GALK2: variants seen among roughly 807,000 people sequenced by gnomAD.
The protein encoded by GALK2 is N-acetylgalactosamine kinase.
In GALK2, 36 loss-of-function variants were observed where a neutral mutation model predicts 52.4. The ratio of observed to expected loss-of-function variants is 0.69; its 90% CI spans 0.53 to 0.91. GALK2 has a LOEUF of 0.91. Among genes scored for constraint, GALK2 ranks in the 40% least tolerant of loss-of-function variants. GALK2 has a pLI of 0.00. For missense variants in GALK2, 579 were observed against 559.1 expected, an observed-to-expected ratio of 1.04 and a Z score of -0.36; for synonymous variants, 176 against 199.1, an observed-to-expected ratio of 0.88 and a Z score of 0.98.
At chr15:49,355,795 C>G (rs1303149519) in intron 3 of GALK2, among the ~76,000 whole-genome samples, 2 of 151,958 alleles carry the variant, frequency 1.3e-5, no homozygotes, top group African/African-American at 4.8e-5. Flanking sequence ...TTGTCAGATT[C>G]ACCAAAGTTG....
At chr15:49,286,823 A>G (rs956463957) in intron 7 of GALK2, among the ~76,000 whole-genome samples, 3 of 152,128 alleles carry the variant, frequency 2.0e-5, no homozygotes, top group African/African-American at 7.2e-5. Flanking sequence ...TTGACCTTTT[A>G]TCTTGAGGTT....
chr15:49,319,555 T>A, intron 8 of GALK2, 49 bp from the exon 9 acceptor site: 10 of 1,492,788 alleles, frequency 6.7e-6, no homozygotes, highest in Non-Finnish European at 8.4e-6. Context: ...TATACTGGGT[T>A]GTCCAGTAAC....
upstream of GALK2, among the ~76,000 whole-genome samples, chr15:49,167,301 C>CAG (rs2084853358): frequency 2.0e-5 from 3 of 151,978 alleles, no homozygotes; most frequent in Admixed American, 6.6e-5. Context: ...AGCAAAGAAC[C>CAG]AGAGGTTCAG....
chr15:49,322,626 C>T (rs147142645), intron 9 of GALK2, among the ~76,000 whole-genome samples: 1 of 152,006 alleles, frequency 6.6e-6, no homozygotes, highest in Non-Finnish European at 1.5e-5. Context: ...ATCTTTGTAC[C>T]GTGTGAAATT....
Position 49,193,284 on chromosome 15 carries a change from C to T in GALK2, c.54-7878C>T, listed in dbSNP as rs1046349783. Among the ~76,000 whole-genome samples, 2 of 152,028 alleles carry T rather than the reference C, an allele frequency of 1.3e-5. 1 individual carries two copies. Among genetic ancestry groups the T allele is most frequent in the Admixed American group, 1.3e-4 (2 of 15,276 alleles). The stretch of plus-strand genomic sequence containing the variant: ...AAGTGCTGGGATTACAGGCGTGAGC[C>T]ACCATGCCCGACCTGTTTATACCTT... On this transcript the variant is annotated intron_variant, in intron 1 of 9. Transcript: ENST00000560031.
At chr15:49,192,125 A>G (rs1016947677) in intron 1 of GALK2, among the ~76,000 whole-genome samples, 7 of 152,050 alleles carry the variant, frequency 4.6e-5, no homozygotes, top group Admixed American at 3.9e-4. Flanking sequence ...GTATAGAAAG[A>G]TGTTTCAGAT....
intron 5 of GALK2, among the ~76,000 whole-genome samples, chr15:49,272,307 G>T (rs1304025305): frequency 1.3e-5 from 2 of 152,166 alleles, no homozygotes; most frequent in Admixed American, 1.3e-4. Context: ...AGCCCTAGAA[G>T]ACATTTGGTA....
At position 49,356,158 on chromosome 15, in the gene GALK2, G is replaced by A. The variant is rs531271804; in HGVS notation, c.427-11333G>A. The stretch of plus-strand genomic sequence containing the variant: ...ATCATGCCAAAATGTAAAGACCATC[G>A]AGACTAGGAAGAAACTGCATCAACT... On this transcript the variant is annotated intron_variant, in intron 3 of 3. Transcript: ENST00000558399. 8.0e-4 allele frequency among the ~76,000 whole-genome samples: 121 copies of A among 152,082 alleles called. 1 individual carries two copies. Among genetic ancestry groups the A allele is most frequent in the South Asian group, 6.5e-3 (31 of 4,806 alleles).
At chr15:49,218,005 A>G (rs183375004) in intron 3 of GALK2, among the ~76,000 whole-genome samples, 470 of 152,206 alleles carry the variant, frequency 3.1e-3, no homozygotes, top group Admixed American at 5.5e-3. Flanking sequence ...CCCTTTTTGC[A>G]TTTCTGGGAT....
intron 8 of GALK2, among the ~76,000 whole-genome samples, chr15:49,317,821 ACAC>A (rs1236525518): frequency 6.6e-6 from 1 of 152,144 alleles, no homozygotes; most frequent in African/African-American, 2.4e-5. Flanking sequence ...AGAAAACCAA[ACAC>A]CACATGTTCT....
intron 1 of GALK2, among the ~76,000 whole-genome samples, chr15:49,181,709 T>A (rs951394506): frequency 6.6e-5 from 10 of 151,950 alleles, no homozygotes; most frequent in African/African-American, 1.9e-4. Context: ...AGTTTTTTAT[T>A]TTGAAATATT....
At chr15:49,220,905 A>G (rs570401110) in intron 3 of GALK2, among the ~76,000 whole-genome samples, 98 of 152,060 alleles carry the variant, frequency 6.4e-4, no homozygotes, top group African/African-American at 2.3e-3. Context: ...TCTTCATGTT[A>G]TTTGTCCACT....
At chr15:49,187,660 T>C (rs1486223063) in intron 1 of GALK2, among the ~76,000 whole-genome samples, 1 of 152,130 alleles carries the variant, frequency 6.6e-6, no homozygotes, top group African/African-American at 2.4e-5. Context: ...TTTCCCACTC[T>C]TCCCTCCTCT....
At chr15:49,285,632 G>A (rs1012033329) in intron 7 of GALK2, among the ~76,000 whole-genome samples, 2 of 152,104 alleles carry the variant, frequency 1.3e-5, no homozygotes, top group Non-Finnish European at 2.9e-5. Flanking sequence ...ATGAATCATA[G>A]ACCTCTCAAA....
At chr15:49,340,461 A>G (rs964959941) in intron 3 of GALK2, among the ~76,000 whole-genome samples, 1 of 105,404 alleles carries the variant, frequency 9.5e-6, no homozygotes, top group Non-Finnish European at 1.8e-5. Flanking sequence ...CCACTGTCCA[A>G]CCAGTCCCAA....
intron 5 of GALK2, among the ~76,000 whole-genome samples, chr15:49,262,162 C>T (rs1487231938): frequency 3.3e-5 from 5 of 151,522 alleles, no homozygotes; most frequent in Non-Finnish European, 5.9e-5. Context: ...CCTCCTTGTA[C>T]CTCTGGTAGA....
chr15:49,291,602 G>A (rs1056006457), intron 7 of GALK2, among the ~76,000 whole-genome samples: 1 of 152,166 alleles, frequency 6.6e-6, no homozygotes, highest in Non-Finnish European at 1.5e-5. Context: ...GATATTGCTT[G>A]GGGAGAATGA....
chr15:49,338,143 A>T (rs2040078671), intron 3 of GALK2, among the ~76,000 whole-genome samples: 1 of 152,144 alleles, frequency 6.6e-6, no homozygotes, highest in Admixed American at 6.5e-5. Flanking sequence ...TAAGGTTAAT[A>T]TTGTTATGTG....
At chr15:49,365,560 C>T in intron 3 of GALK2, 1 of 887,670 alleles carries the variant, frequency 1.1e-6, no homozygotes, top group Non-Finnish European at 1.9e-6. Context: ...TTCAAAAGGT[C>T]CAGCTGCAAG....
Sources: allele counts gnomAD v4.1 joint callset (sites outside exome capture counted in the v4.1 genomes callset), GRCh38; gene constraint gnomAD v4.1.1; transcripts MANE v1.5; gene names NCBI Gene and HGNC (gene_info 2026-07-23, HGNC 2026-07-21).